The following CISD3 variants were observed in gnomAD, a reference collection of about 807,000 sequenced individuals.
The protein encoded by CISD3 is CDGSH iron-sulfur domain-containing protein 3, mitochondrial.
Under a neutral mutation model 14.1 loss-of-function variants are expected in CISD3, and 11 were observed. The observed-to-expected ratio is 0.78, with a 90% confidence interval of 0.49 to 1.29. The LOEUF is 1.29. Among genes scored for constraint, CISD3 ranks in the 50% most tolerant of loss-of-function variants. The pLI is 0.00. For missense variants in CISD3, 156 were observed against 171.6 expected (o/e 0.91, Z 0.51); for synonymous variants, 53 against 69.2 (o/e 0.77, Z 1.16).
intron 2 of CISD3, chr17:38,731,060 C>T (rs1906311709): frequency 1.3e-5 from 8 of 638,532 alleles, no homozygotes; most frequent in South Asian, 8.0e-5. Context: ...TTCCCTAGCA[C>T]GCAGGTGGGA....
Position 38,735,341 on chromosome 17 carries a change from G to GCCA in CISD3, c.*1887_*1888insCAC. ...GTTGGCAGCTGTGGTGGCCCCACTG[G>GCCA]CTGTCGAAGGGGGAGTGGGGGAGGT... On this transcript the variant is annotated 3_prime_UTR_variant, in exon 4 of 4. Transcript: ENST00000613478. The GCCA allele has an allele frequency of 6.4e-7, 1 of 1,554,448 alleles. No individual in the cohort carries two copies. Among genetic ancestry groups the GCCA allele is most frequent in the Non-Finnish European group, 8.7e-7 (1 of 1,145,856 alleles).
Position 38,733,350 on chromosome 17 carries a change from C to G in CISD3, c.279C>G (p.Arg93=), listed in dbSNP as rs1302682542. 3 of 1,551,640 alleles carry G rather than the reference C, an allele frequency of 1.9e-6. No homozygotes were observed. Among genetic ancestry groups the G allele is most frequent in the Non-Finnish European group, 2.6e-6 (3 of 1,147,000 alleles). Residue 93 remains arginine (R), a synonymous_variant, in exon 4 of 4, where the codon CGC becomes CGG. Transcript: ENST00000613478. ...TCAAGTTCAAGGCCCAAGAGACCCG[C>G]ATGGTGGCACTCTGTACCTGCAAGG... is the stretch of plus-strand genomic sequence containing the variant. ...SPLKFKAQET[R]MVALCTCKAT...
chr17:38,732,938 G>GACACACACACACACAC (rs148830489), intron 3 of CISD3, among the ~76,000 whole-genome samples: 48 of 116,666 alleles, frequency 4.1e-4, no homozygotes, highest in African/African-American at 1.3e-3. Flanking sequence ...GAGACTCAGA[G>GACACACACACACACAC]ACACACACAC....
Position 38,731,325 on chromosome 17 carries a change from G to T in CISD3, c.90G>T (p.Gln30His). ...PRRDISSWLA[Q>H]WFPRTPARSV... The stretch of plus-strand genomic sequence containing the variant: ...CTCATCTTCCCTGGCCACAGGCCCA[G>T]TGGTTCCCTAGAACCCCAGCCAGGT... Residue 30 changes from glutamine (Q) to histidine (H), a missense_variant, in exon 3 of 4, where the codon CAG becomes CAT. Gln to His is a conservative substitution (Grantham distance 24). Transcript: ENST00000613478. 6.4e-7 allele frequency: 1 copy of T among 1,551,352 alleles called. No individual in the cohort carries two copies. Among genetic ancestry groups the T allele is most frequent in the Non-Finnish European group, 8.7e-7 (1 of 1,146,958 alleles).
At position 38,733,510 on chromosome 17, in the gene CISD3, AC is replaced by A. The variant is rs1187594224; in HGVS notation, c.*60del. 4.8e-6 allele frequency: 7 copies of A among 1,447,996 alleles called. No homozygotes were observed. The highest frequency in any genetic ancestry group is 6.4e-6 in the Non-Finnish European group (7 of 1,093,758). The allele number at this position is 1,447,996 out of a possible 1,614,324, so 89.7% of individuals were successfully genotyped here. ...CCTTGGCTCCAGGCCTCTGACAGGC[AC>A]CCCCTTCTGTGGGAAAGGAAACAGG... On this transcript the variant is annotated 3_prime_UTR_variant, in exon 4 of 4. Coordinates refer to ENST00000613478, the MANE Select transcript of CISD3 (RefSeq NM_001136498.2).
chr17:38,730,485 C>T, intron 1 of CISD3, 79 bp downstream of exon 1: 2 of 1,144,322 alleles, frequency 1.7e-6, no homozygotes, highest in Non-Finnish European at 2.4e-6. Flanking sequence ...AGCCCCGGCC[C>T]GGCCGAGCAT....
In CISD3 at chr17:38,735,357, T is replaced by G. The variant is rs1269726642; in HGVS notation, c.*1902T>G. On this transcript the variant is annotated 3_prime_UTR_variant, in exon 4 of 4. Transcript: ENST00000613478. Reference sequence around the variant, plus strand: ...GCCCCACTGGCTGTCGAAGGGGGAGTGGGGGAGGTAGGGTGGGTGGCTGGA... The same window carrying G: ...GCCCCACTGGCTGTCGAAGGGGGAGGGGGGGAGGTAGGGTGGGTGGCTGGA... 9 of 1,532,148 alleles carry G rather than the reference T, an allele frequency of 5.9e-6. No individual in the cohort carries two copies. The highest frequency in any genetic ancestry group is 1.4e-5 in the African/African-American group (1 of 70,182). 94.9% of individuals were successfully genotyped at this position (1,532,148 alleles called of 1,614,324 possible).
At chr17:38,730,514 T>G in intron 1 of CISD3, 108 bp downstream of exon 1, 1 of 990,512 alleles carries the variant, frequency 1.0e-6, no homozygotes, top group Admixed American at 3.1e-5. Flanking sequence ...TCCCGGCCCG[T>G]CCCGCCGGTG....
Position 38,735,410 on chromosome 17 carries a change from G to T in CISD3, c.*1955G>T. On this transcript the variant is annotated 3_prime_UTR_variant, in exon 4 of 4. Coordinates refer to ENST00000613478, the MANE Select transcript of CISD3 (RefSeq NM_001136498.2). ...CCCATGGGAACTGGGAGAGCCATGG[G>T]ATGGGGTGGCTGGGCTGGGCAGGGA... is the stretch of plus-strand genomic sequence containing the variant. 6.4e-7 allele frequency: 1 copy of T among 1,574,094 alleles called. No individual in the cohort carries two copies. Among genetic ancestry groups the T allele is most frequent in the Non-Finnish European group, 8.6e-7 (1 of 1,159,206 alleles).
Position 38,733,669 on chromosome 17 carries a change from C to G in CISD3, c.*214C>G, listed in dbSNP as rs1212031249. On this transcript the variant is annotated 3_prime_UTR_variant, in exon 4 of 4. Coordinates refer to ENST00000613478, the MANE Select transcript of CISD3 (RefSeq NM_001136498.2). ...CAATGTTTGCTGATGGGGAAGATGG[C>G]AAAAACAAGCCTGCCCAACCAGACT... The G allele has an allele frequency of 5.4e-6, 3 of 554,126 alleles. No homozygotes were observed. Among genetic ancestry groups the G allele is most frequent in the East Asian group, 3.1e-5 (1 of 31,792 alleles). The allele number at this position is 554,126 out of a possible 1,614,324, so 34.3% of individuals were successfully genotyped here.
intron 3 of CISD3, among the ~76,000 whole-genome samples, chr17:38,732,963 A>ACACACT (rs561759363): frequency 7.3e-6 from 1 of 136,130 alleles, no homozygotes; most frequent in Non-Finnish European, 1.6e-5. Flanking sequence ...ACACACACAC[A>ACACACT]CACACTCACA....
rs781159543 is a variant in CISD3, at chr17:38,730,748, C to G, written c.49-12C>G. ...CGTCTTGTGATGCCTGCCATGCTTG[C>G]GTACCTTGCAGGACCTGAACCCGCG... On this transcript the variant is annotated splice_polypyrimidine_tract_variant and intron_variant, in intron 1 of 3. Coordinates refer to ENST00000613478, the MANE Select transcript of CISD3 (RefSeq NM_001136498.2). 26 of 1,551,628 alleles carry G rather than the reference C, an allele frequency of 1.7e-5. No individual in the cohort carries two copies. The highest frequency in any genetic ancestry group is 1.7e-4 in the Middle Eastern group (1 of 6,014).
At position 38,733,391 on chromosome 17, in the gene CISD3, C is replaced by T. The variant is rs1458364148; in HGVS notation, c.320C>T (p.Pro107Leu). Residue 107 changes from proline (P) to leucine (L), a missense_variant, in exon 4 of 4, where the codon CCG becomes CTG. Pro to Leu is a moderately conservative substitution (Grantham distance 98, BLOSUM62 -3). Transcript: ENST00000613478. ...LCTCKATQRP[P>L]YCDGTHRSER... ...ACCTGCAAGGCCACTCAGAGGCCCC[C>T]GTACTGCGATGGCACCCACAGGAGT... 5 of 1,551,528 alleles carry T rather than the reference C, an allele frequency of 3.2e-6. No individual in the cohort carries two copies. Among genetic ancestry groups the T allele is most frequent in the South Asian group, 2.4e-5 (2 of 84,062 alleles).
In CISD3 at chr17:38,735,538, C is replaced by A; in HGVS notation, c.*2083C>A. The stretch of plus-strand genomic sequence containing the variant: ...TGGTGCCCTCGGAGGGGGTGGGCAC[C>A]GTGGCTAGGGTGAGCCGCTTGCAGG... On this transcript the variant is annotated 3_prime_UTR_variant, in exon 4 of 4. Transcript: ENST00000613478. 1 of 1,588,172 alleles carries A rather than the reference C, an allele frequency of 6.3e-7. No homozygotes were observed. Among genetic ancestry groups the A allele is most frequent in the African/African-American group, 1.3e-5 (1 of 74,336 alleles).
intron 1 of CISD3, 63 bp downstream of exon 1, chr17:38,730,469 C>A (rs8076293): frequency 8.6e-7 from 1 of 1,169,532 alleles, no homozygotes; most frequent in South Asian, 1.8e-5. Flanking sequence ...TGCCAGCCCC[C>A]ACTCCAGCCC....
At position 38,730,765 on chromosome 17, in the gene CISD3, G is replaced by A; in HGVS notation, c.54G>A (p.Leu18=). ...CATGCTTGCGTACCTTGCAGGACCT[G>A]AACCCGCGGCGGGACATCTCCTCCT... ...LRPAARGARD[L]NPRRDISSWL... is the part of the protein sequence containing the mutation. The change falls in exon 2 of 4, where the codon CTG becomes CTA. Residue 18 remains leucine (L), a synonymous_variant. Transcript: ENST00000613478. 1 of 1,551,756 alleles carries A rather than the reference G, an allele frequency of 6.4e-7. No homozygotes were observed. Among genetic ancestry groups the A allele is most frequent in the Non-Finnish European group, 8.7e-7 (1 of 1,146,992 alleles).
At chr17:38,730,934 C>G in intron 2 of CISD3, 139 bp downstream of exon 2, 2 of 942,068 alleles carry the variant, frequency 2.1e-6, no homozygotes, top group Non-Finnish European at 1.6e-6. Flanking sequence ...GGAGGTGGGG[C>G]GGACCAGAGG....
chr17:38,731,540 ACC>A, intron 3 of CISD3, 101 bp downstream of exon 3: 1 of 1,456,364 alleles, frequency 6.9e-7, no homozygotes, highest in Non-Finnish European at 9.3e-7. Flanking sequence ...TCCCACACAT[ACC>A]TGAGGGACAC....
chr17:38,734,783 A>G lies in CISD3; in HGVS notation c.*1328A>G, dbSNP rs937851647. 6.5e-6 allele frequency: 1 copy of G among 154,930 alleles called. No individual in the cohort carries two copies. Among genetic ancestry groups the G allele is most frequent in the African/African-American group, 2.4e-5 (1 of 41,528 alleles). 9.6% of individuals were successfully genotyped at this position (154,930 alleles called of 1,614,324 possible). On this transcript the variant is annotated 3_prime_UTR_variant, in exon 4 of 4. Transcript: ENST00000613478. ...AAAGAAACGATTCTAACTGACTCCT[A>G]TATGCAGCCAGTTGGAATCATGCCT...
Sources: gnomAD v4.1 joint callset for allele counts (sites outside exome capture counted in the v4.1 genomes callset) on GRCh38, gnomAD v4.1.1 for gene constraint, MANE v1.5 for transcripts, NCBI Gene and HGNC (gene_info 2026-07-23, HGNC 2026-07-21) for gene names.